The following CSMD3 variants were observed in gnomAD, a reference collection of about 807,000 sequenced individuals.
CSMD3 encodes CUB and Sushi multiple domains 3, also known as CUB and sushi domain-containing protein 3.
A neutral mutation model predicts 435.2 loss-of-function variants in CSMD3; 177 were observed. The observed-to-expected ratio is 0.41, with a 90% CI of 0.36 to 0.46. The LOEUF is 0.46. Among genes scored for constraint, CSMD3 ranks in the 20% least tolerant of loss-of-function variants. The pLI is 0.34. For missense variants in CSMD3, 4,265 were observed against 4,504.6 expected, an observed-to-expected ratio of 0.95 and a Z score of 1.52; for synonymous variants, 1,656 against 1,520.5, an observed-to-expected ratio of 1.09 and a Z score of -2.07.
rs1319976219 is a variant in CSMD3, at chr8:112,224,434, T to C, written c.*337A>G. 2 of 350,924 alleles carry C rather than the reference T, an allele frequency of 5.7e-6. No homozygotes were observed. Among genetic ancestry groups the C allele is most frequent in the Middle Eastern group, 9.5e-4 (1 of 1,052 alleles). 21.7% of individuals were successfully genotyped at this position (350,924 alleles called of 1,614,324 possible). ...TATCTTTTTTTTTAAACCCAGTCCC[T>C]CTAATATAGTTTATAAAGCACAGAA... On this transcript the variant is annotated 3_prime_UTR_variant, in exon 71 of 71. Transcript: ENST00000297405.
At chr8:112,301,317 A>T (rs1406940224) in intron 53 of CSMD3, among the ~76,000 whole-genome samples, 1 of 151,602 alleles carries the variant, frequency 6.6e-6, no homozygotes, top group South Asian at 2.1e-4. Context: ...CAGGTTCAAA[A>T]AATTTTTTTT....
At chr8:113,413,144 A>T (rs913437319) in intron 1 of CSMD3, among the ~76,000 whole-genome samples, 5 of 152,176 alleles carry the variant, frequency 3.3e-5, no homozygotes, top group Non-Finnish European at 7.4e-5. Flanking sequence ...ATACTACAAT[A>T]ACTTTCCATT....
chr8:112,512,268 T>C (rs1016604553), intron 28 of CSMD3, among the ~76,000 whole-genome samples: 2 of 152,234 alleles, frequency 1.3e-5, no homozygotes, highest in Non-Finnish European at 2.9e-5. Flanking sequence ...CTTTGGCAGC[T>C]ATAGTATTGT....
intron 5 of CSMD3, among the ~76,000 whole-genome samples, chr8:113,029,612 C>A (rs2087006331): frequency 6.6e-6 from 1 of 151,454 alleles, no homozygotes; most frequent in Non-Finnish European, 1.5e-5. Context: ...AATTGGCATA[C>A]AAGGGACATA....
intron 30 of CSMD3, among the ~76,000 whole-genome samples, chr8:112,502,175 G>T (rs1431165375): frequency 2.6e-5 from 4 of 152,084 alleles, no homozygotes; most frequent in African/African-American, 9.7e-5. Flanking sequence ...GGTTAGAGTG[G>T]TGTTGTGGTC....
At chr8:112,627,359 G>A (rs1328088678) in intron 22 of CSMD3, among the ~76,000 whole-genome samples, 1 of 152,092 alleles carries the variant, frequency 6.6e-6, no homozygotes, top group African/African-American at 2.4e-5. Context: ...GTCACCCAGA[G>A]TTTAGACAAA....
chr8:112,718,896 A>C (rs1160888429), intron 13 of CSMD3, among the ~76,000 whole-genome samples: 1 of 152,122 alleles, frequency 6.6e-6, no homozygotes, highest in Admixed American at 6.6e-5. Context: ...AAACTTCTTA[A>C]GCTTAAATTA....
chr8:113,417,244 G>C (rs937778039), intron 1 of CSMD3, among the ~76,000 whole-genome samples: 4 of 151,892 alleles, frequency 2.6e-5, no homozygotes, highest in East Asian at 1.9e-4. Context: ...AAGTTGAAGA[G>C]AACAATTCAT....
intron 6 of CSMD3, among the ~76,000 whole-genome samples, chr8:112,996,499 CAG>C (rs1388795385): frequency 3.3e-5 from 5 of 151,638 alleles, no homozygotes; most frequent in African/African-American, 1.2e-4. Context: ...AGGGAAATAA[CAG>C]GCATTATCTC....
At chr8:112,627,170 C>G (rs1270677826) in intron 22 of CSMD3, among the ~76,000 whole-genome samples, 1 of 152,074 alleles carries the variant, frequency 6.6e-6, no homozygotes, top group Admixed American at 6.6e-5. Flanking sequence ...ATCATACTTT[C>G]TAGGTTAATA....
chr8:112,732,928 A>G (rs2132021305), intron 13 of CSMD3, among the ~76,000 whole-genome samples: 1 of 152,284 alleles, frequency 6.6e-6, no homozygotes, highest in South Asian at 2.1e-4. Flanking sequence ...ATGTTACAAC[A>G]GACTAAATGC....
At chr8:112,258,865 C>CT (rs1271265886) in intron 61 of CSMD3, among the ~76,000 whole-genome samples, 3 of 152,040 alleles carry the variant, frequency 2.0e-5, no homozygotes, top group African/African-American at 7.2e-5. Context: ...CGGTGAAACC[C>CT]CATCTCTACT....
intron 16 of CSMD3, among the ~76,000 whole-genome samples, chr8:112,671,450 C>T (rs80018328): frequency 5.3e-5 from 8 of 152,212 alleles, no homozygotes; most frequent in African/African-American, 1.9e-4. Flanking sequence ...ATTGGCCAAC[C>T]TACCCCCTAA....
At chr8:112,314,095 T>G (rs1477098283) in intron 48 of CSMD3, 43 bp from the exon 49 acceptor site, 4 of 1,442,360 alleles carry the variant, frequency 2.8e-6, no homozygotes, top group Non-Finnish European at 3.9e-6. Context: ...GCTAATTATA[T>G]TCTCATTTGT....
intron 6 of CSMD3, among the ~76,000 whole-genome samples, chr8:112,986,919 A>G (rs2085275743): frequency 6.6e-6 from 1 of 152,082 alleles, no homozygotes; most frequent in Non-Finnish European, 1.5e-5. Flanking sequence ...AATTAGGTAG[A>G]TAAAGATATA....
chr8:112,976,008 A>G lies in CSMD3; in HGVS notation c.1171T>C (p.Ser391Pro). ...SVTAVTIHRL[S>P]EEQRVQVTSL... The stretch of plus-strand genomic sequence containing the variant: ...GTAACTTGCACTCGCTGTTCCTCGG[A>G]AAGTCTATGGATGGTGACAGCTGTA... The change falls in exon 7 of 71, where the codon TCC (serine) becomes CCC (proline). Residue 391 changes from serine (S) to proline (P), a missense_variant. Coordinates refer to ENST00000297405, the MANE Select transcript of CSMD3 (RefSeq NM_198123.2). The G allele has an allele frequency of 2.5e-6, 4 of 1,613,936 alleles. No homozygotes were observed. The highest frequency in any genetic ancestry group is 2.2e-5 in the South Asian group (2 of 91,078).
intron 24 of CSMD3, among the ~76,000 whole-genome samples, chr8:112,566,153 A>G (rs980611979): frequency 6.6e-6 from 1 of 151,920 alleles, no homozygotes; most frequent in Non-Finnish European, 1.5e-5. Context: ...GAAAAACTCA[A>G]ATCTTGAGTT....
chr8:112,384,175 T>C (rs1466910433), intron 36 of CSMD3, among the ~76,000 whole-genome samples: 1 of 152,236 alleles, frequency 6.6e-6, no homozygotes, highest in Non-Finnish European at 1.5e-5. Context: ...TTGCTCAATT[T>C]CTTCTCTTCC....
intron 22 of CSMD3, among the ~76,000 whole-genome samples, chr8:112,611,921 T>C (rs113497780): frequency 3.9e-5 from 6 of 152,258 alleles, no homozygotes; most frequent in African/African-American, 1.4e-4. Context: ...TTAATACAAA[T>C]CCTATTACAA....
Sources: gnomAD v4.1 joint callset for allele counts (sites outside exome capture counted in the v4.1 genomes callset) on GRCh38, gnomAD v4.1.1 for gene constraint, MANE v1.5 for transcripts, NCBI Gene and HGNC (gene_info 2026-07-23, HGNC 2026-07-21) for gene names.